Variants in APBB2 observed in about 807,000 individuals in gnomAD.
APBB2 encodes the protein Fe65-like 1.
In APBB2, 38 loss-of-function variants were observed where a neutral mutation model predicts 82.5. The observed-to-expected ratio is 0.46, with a 90% CI of 0.36 to 0.60. APBB2 has a LOEUF of 0.60. Among genes scored for constraint, APBB2 ranks in the 20% least tolerant of loss-of-function variants. The probability of loss-of-function intolerance (pLI) is 0.00; values close to 1 mark genes in which losing one functional copy is unlikely to be tolerated. For missense variants in APBB2, 772 were observed against 972.3 expected, an observed-to-expected ratio of 0.79 and a Z score of 2.74; for synonymous variants, 341 against 368.2, an observed-to-expected ratio of 0.93 and a Z score of 0.85.
At position 40,856,867 on chromosome 4, in the gene APBB2, T is replaced by A. The variant is rs576305039; in HGVS notation, c.1530-26290A>T. On this transcript the variant is annotated intron_variant, in intron 12 of 17. Coordinates refer to ENST00000508593, the MANE Select transcript of APBB2 (RefSeq NM_004307.2). Reference sequence around the variant, plus strand: ...TTCCAGCCGTCCAGGACCAGGCAACTCGCTAAGCGCTGACTCGGGGAAGGG... The same window carrying A: ...TTCCAGCCGTCCAGGACCAGGCAACACGCTAAGCGCTGACTCGGGGAAGGG... 7 of 880,436 alleles carry A rather than the reference T, an allele frequency of 8.0e-6. No individual in the cohort carries two copies. The South Asian group carries it at 1.6e-4, about 20-fold the overall frequency. The allele number at this position is 880,436 out of a possible 1,614,324, so 54.5% of individuals were successfully genotyped here.
chr4:41,006,296 C>T (rs753296870), intron 6 of APBB2, among the ~76,000 whole-genome samples: 2 of 152,174 alleles, frequency 1.3e-5, no homozygotes, highest in Non-Finnish European at 2.9e-5. Context: ...ATTTTGGAAA[C>T]ATCTCACATC....
chr4:41,101,470 CAAAAAAAAAAAAAAAAAAAA>C (rs150527764), intron 2 of APBB2, among the ~76,000 whole-genome samples: 1 of 72,524 alleles, frequency 1.4e-5, no homozygotes, highest in East Asian at 7.4e-4. Flanking sequence ...GACTCCGTCT[CAAAAAAAAAAAAAAAAAAAA>C]AAAAAAAAAA....
At chr4:40,986,247 A>C (rs1280797317) in intron 6 of APBB2, among the ~76,000 whole-genome samples, 1 of 152,238 alleles carries the variant, frequency 6.6e-6, no homozygotes, top group African/African-American at 2.4e-5. Flanking sequence ...CCAATGAAAT[A>C]CTGTACGTAA....
At chr4:41,083,686 CAAAAAAAAAAAA>C (rs3058169) in intron 3 of APBB2, among the ~76,000 whole-genome samples, 1 of 68,050 alleles carries the variant, frequency 1.5e-5, no homozygotes, top group East Asian at 4.8e-4. Flanking sequence ...GACTCTGTCT[CAAAAAAAAAAAA>C]AAAAAAAAAA....
At chr4:41,036,674 A>C (rs950848181) in intron 4 of APBB2, among the ~76,000 whole-genome samples, 1 of 152,232 alleles carries the variant, frequency 6.6e-6, no homozygotes, top group Non-Finnish European at 1.5e-5. Context: ...GAGTCAGGAA[A>C]TGCTTTCCTG....
chr4:40,842,342 G>A (rs546879932), intron 12 of APBB2: 6 of 455,416 alleles, frequency 1.3e-5, no homozygotes, highest in East Asian at 6.9e-5. Flanking sequence ...CACCACGAAG[G>A]GGGGAGAAGT....
At chr4:41,041,488 G>A (rs142187578) in intron 4 of APBB2, among the ~76,000 whole-genome samples, 1 of 152,084 alleles carries the variant, frequency 6.6e-6, no homozygotes, top group Non-Finnish European at 1.5e-5. Context: ...TACATTTTTG[G>A]AACATTAACC....
chr4:40,837,626 C>T (rs191623191), intron 12 of APBB2, among the ~76,000 whole-genome samples: 41 of 152,320 alleles, frequency 2.7e-4, no homozygotes, highest in Admixed American at 1.5e-3. Context: ...CAGCAAGACC[C>T]GTTTCTGCTC....
intron 1 of APBB2, among the ~76,000 whole-genome samples, chr4:41,174,540 T>C (rs1426807435): frequency 1.3e-5 from 2 of 152,180 alleles, no homozygotes; most frequent in Non-Finnish European, 2.9e-5. Flanking sequence ...TGGGTGCTAG[T>C]CTGCCAACTG....
At chr4:41,075,232 C>T (rs1735277315) in intron 3 of APBB2, among the ~76,000 whole-genome samples, 1 of 152,158 alleles carries the variant, frequency 6.6e-6, no homozygotes, top group African/African-American at 2.4e-5. Context: ...TTTGACTTTA[C>T]AATGGTTGAA....
chr4:41,140,593 G>A (rs1047755456), intron 2 of APBB2, among the ~76,000 whole-genome samples: 1 of 152,138 alleles, frequency 6.6e-6, no homozygotes, highest in Admixed American at 6.5e-5. Context: ...CCTACACCAG[G>A]GGCCCCTGGT....
chr4:41,033,582 C>T (rs961664613), intron 4 of APBB2, among the ~76,000 whole-genome samples: 6 of 72,450 alleles, frequency 8.3e-5, no homozygotes, highest in Non-Finnish European at 1.8e-4. Context: ...TGCTTTTTCT[C>T]ATCACACACA....
intron 4 of APBB2, among the ~76,000 whole-genome samples, chr4:41,062,957 G>A (rs1730397956): frequency 6.6e-6 from 1 of 152,194 alleles, no homozygotes; most frequent in Admixed American, 6.5e-5. Context: ...GATGGCCAAT[G>A]TGTCATTCTC....
At chr4:40,825,617 C>T (rs1410181581) in intron 15 of APBB2, 7 of 382,592 alleles carry the variant, frequency 1.8e-5, no homozygotes, top group African/African-American at 6.2e-5. Context: ...CTGAGTCACA[C>T]AGCTCTGGAC....
intron 2 of APBB2, among the ~76,000 whole-genome samples, chr4:41,111,359 G>C (rs976972248): frequency 1.3e-5 from 2 of 152,220 alleles, no homozygotes; most frequent in Admixed American, 1.3e-4. Context: ...TAAAAATTAT[G>C]ATTCAGTATG....
intron 16 of APBB2, chr4:40,822,395 AC>A (rs916696994): frequency 1.0e-5 from 2 of 191,894 alleles, no homozygotes; most frequent in African/African-American, 4.7e-5. Context: ...GTGGCCCAAA[AC>A]CCATTTGGCC....
chr4:40,841,287 C>T (rs555595195), intron 12 of APBB2, among the ~76,000 whole-genome samples: 1 of 152,280 alleles, frequency 6.6e-6, no homozygotes, highest in African/African-American at 2.4e-5. Context: ...AAGAGGAGAT[C>T]TGCCTTCGTG....
intron 12 of APBB2, among the ~76,000 whole-genome samples, chr4:40,854,518 G>C (rs927092616): frequency 6.6e-6 from 1 of 152,176 alleles, no homozygotes; most frequent in East Asian, 1.9e-4. Flanking sequence ...CTGGCGCGGT[G>C]GCTCACGCCT....
intron 1 of APBB2, chr4:41,193,460 G>T (rs28654472): frequency 0.13 from 52,714 of 405,920 alleles, 3,619 homozygotes; most frequent in Non-Finnish European, 0.14. Context: ...ACAAAGCTAG[G>T]ATATGCAGAA....
Sources: allele counts gnomAD v4.1 joint callset (sites outside exome capture counted in the v4.1 genomes callset), GRCh38; gene constraint gnomAD v4.1.1; transcripts MANE v1.5; gene names NCBI Gene and HGNC (gene_info 2026-07-23, HGNC 2026-07-21).